AK8: variants seen among roughly 807,000 people sequenced by gnomAD.
AK8 encodes the protein adenylate kinase 8.
A neutral mutation model predicts 54.6 loss-of-function variants in AK8; 44 were observed. The observed-to-expected ratio is 0.81, with a 90% CI of 0.63 to 1.04. AK8 has a LOEUF of 1.04. AK8 is among the 50% of genes least tolerant of loss of function. AK8 has a pLI of 0.00. For missense variants in AK8, 555 were observed against 613.6 expected, an observed-to-expected ratio of 0.90 and a Z score of 1.01; for synonymous variants, 239 against 245.6, an observed-to-expected ratio of 0.97 and a Z score of 0.25.
intron 7 of AK8, chr9:132,827,412 A>G: frequency 3.5e-6 from 1 of 289,144 alleles, no homozygotes; most frequent in Non-Finnish European, 6.6e-6. Context: ...CAGATAAGAA[A>G]ACTGAGTCTC....
At chr9:132,859,042 A>T (rs1843284506) in intron 4 of AK8, among the ~76,000 whole-genome samples, 1 of 152,168 alleles carries the variant, frequency 6.6e-6, no homozygotes, top group African/African-American at 2.4e-5. Flanking sequence ...GACTCAGGAA[A>T]GGGAGGGAGA....
chr9:132,860,158 C>G lies in AK8; in HGVS notation c.333+3507G>C, dbSNP rs902845260. The stretch of plus-strand genomic sequence containing the variant: ...TCAGGGCATCAAACGTCTCTTCCAG[C>G]CCGGCCTGGACCCAGAAGCATCACA... On this transcript the variant is annotated intron_variant, in intron 4 of 12. Coordinates refer to ENST00000298545, the MANE Select transcript of AK8 (RefSeq NM_152572.3). The surrounding 1 kb of genome is among the most constrained non-coding windows in gnomAD (Gnocchi z 4.4). Among the ~76,000 whole-genome samples, 78 of 152,076 alleles carry G rather than the reference C, an allele frequency of 5.1e-4. No homozygotes were observed. Among genetic ancestry groups the G allele is most frequent in the African/African-American group, 1.6e-3 (68 of 41,396 alleles).
chr9:132,759,077 T>A (rs2131044933), intron 11 of AK8, among the ~76,000 whole-genome samples: 1 of 151,214 alleles, frequency 6.6e-6, no homozygotes, highest in African/African-American at 2.4e-5. Context: ...TGTGTTGTAG[T>A]CCCAGCTATT....
intron 11 of AK8, among the ~76,000 whole-genome samples, chr9:132,774,394 T>C (rs2131100893): frequency 6.6e-6 from 1 of 152,314 alleles, no homozygotes; most frequent in East Asian, 1.9e-4. Context: ...AAAGTTTTTT[T>C]ATATATTAAA....
chr9:132,790,494 C>T lies in AK8; in HGVS notation c.1121+2140G>A, dbSNP rs535392630. On this transcript the variant is annotated intron_variant, in intron 11 of 12. Transcript: ENST00000298545. The surrounding 1 kb of genome is among the most constrained non-coding windows in gnomAD (Gnocchi z 4.1). ...CTCGATCTCCTGACCTCATGATCCA[C>T]CCACCTCGGCCTCCCAAAGTGCTGG... 7.2e-5 allele frequency among the ~76,000 whole-genome samples: 11 copies of T among 152,302 alleles called. No homozygotes were observed. The highest frequency in any genetic ancestry group is 2.6e-4 in the African/African-American group (11 of 41,570).
At chr9:132,762,282 G>A (rs1027695124) in intron 11 of AK8, among the ~76,000 whole-genome samples, 1 of 152,108 alleles carries the variant, frequency 6.6e-6, no homozygotes. Flanking sequence ...ATTGGTTTCT[G>A]TTCTCTCTCC....
intron 1 of AK8, among the ~76,000 whole-genome samples, chr9:132,876,824 C>T (rs1266084110): frequency 3.3e-5 from 5 of 151,816 alleles, no homozygotes; most frequent in Admixed American, 1.3e-4. Context: ...GTTGGGAGGC[C>T]GAGGCAGAAG....
chr9:132,753,196 G>A (rs1838030145), intron 11 of AK8, among the ~76,000 whole-genome samples: 9 of 152,226 alleles, frequency 5.9e-5, no homozygotes, highest in Admixed American at 5.9e-4. Flanking sequence ...GGGAATCTGA[G>A]GATCAGAGAC....
At chr9:132,840,222 C>T (rs150740493) in intron 5 of AK8, among the ~76,000 whole-genome samples, 11 of 152,296 alleles carry the variant, frequency 7.2e-5, no homozygotes, top group African/African-American at 2.2e-4. Flanking sequence ...CCAAAGCAAG[C>T]ATCAAGAAAG....
chr9:132,877,514 C>G (rs1304204869), intron 1 of AK8, among the ~76,000 whole-genome samples: 1 of 152,238 alleles, frequency 6.6e-6, no homozygotes, highest in Non-Finnish European at 1.5e-5. Context: ...TCCTGAAAGC[C>G]TTGACCTCCA....
In AK8 at chr9:132,878,256, G is replaced by T; in HGVS notation, c.-1C>A. ...GGTGCGGGGCGATAGTGGCGTCCAT[G>T]TAGCCGTCTCGGCTCGCCGCTCCCT... On this transcript the variant is annotated 5_prime_UTR_variant, in exon 1 of 13. Coordinates refer to ENST00000298545, the MANE Select transcript of AK8 (RefSeq NM_152572.3). This position sits in a 1 kb window ranked among gnomAD's most constrained non-coding sequence, Gnocchi z 4.7. 7.3e-7 allele frequency: 1 copy of T among 1,371,066 alleles called. No individual in the cohort carries two copies. Among genetic ancestry groups the T allele is most frequent in the Admixed American group, 2.9e-5 (1 of 35,000 alleles). 84.9% of individuals were successfully genotyped at this position (1,371,066 alleles called of 1,614,324 possible).
intron 9 of AK8, among the ~76,000 whole-genome samples, chr9:132,816,614 T>G (rs1198794305): frequency 1.3e-5 from 2 of 152,166 alleles, no homozygotes; most frequent in East Asian, 3.9e-4. Context: ...GTTCTGGCCA[T>G]GAAGGAGTAA....
At chr9:132,797,320 G>A (rs117807448) in intron 10 of AK8, among the ~76,000 whole-genome samples, 3,019 of 152,018 alleles carry the variant, frequency 0.02, 55 homozygotes, top group Admixed American at 0.054. Context: ...AAGGGAGGGA[G>A]GGAAGGAAAA....
intron 11 of AK8, among the ~76,000 whole-genome samples, chr9:132,757,442 C>T (rs917546518): frequency 4.6e-5 from 7 of 152,222 alleles, no homozygotes; most frequent in African/African-American, 1.2e-4. Context: ...TAGAACAATC[C>T]GGGCTATGCC....
At chr9:132,768,185 G>A (rs1354771607) in intron 11 of AK8, among the ~76,000 whole-genome samples, 2 of 152,252 alleles carry the variant, frequency 1.3e-5, no homozygotes, top group East Asian at 3.8e-4. Context: ...CACGTTATAT[G>A]CATGTACCGA....
rs1839914132 is a variant in AK8, at chr9:132,790,774, G to T, written c.1121+1860C>A. 6.6e-6 allele frequency among the ~76,000 whole-genome samples: 1 copy of T among 152,226 alleles called. No individual in the cohort carries two copies. The highest frequency in any genetic ancestry group is 6.5e-5 in the Admixed American group (1 of 15,292). On this transcript the variant is annotated intron_variant, in intron 11 of 12. Coordinates refer to ENST00000298545, the MANE Select transcript of AK8 (RefSeq NM_152572.3). This position sits in a 1 kb window ranked among gnomAD's most constrained non-coding sequence, Gnocchi z 4.1. ...TTGTAGATGACATGGTCATCTACCT[G>T]TAAAACCCAAGAGAATCAACTGAAA...
chr9:132,839,463 T>C (rs1842447908), intron 5 of AK8, among the ~76,000 whole-genome samples: 2 of 152,194 alleles, frequency 1.3e-5, no homozygotes, highest in Admixed American at 1.3e-4. Context: ...CTCTGTTTCC[T>C]TCCTATGCTT....
intron 10 of AK8, among the ~76,000 whole-genome samples, chr9:132,807,394 G>T (rs946758913): frequency 6.6e-6 from 1 of 152,210 alleles, no homozygotes. Context: ...AGTGCGCTGT[G>T]GACAGGCTGA....
chr9:132,826,982 A>C lies in AK8; in HGVS notation c.629T>G (p.Ile210Ser), dbSNP rs759743710. Reference protein sequence around the residue: ...IQNRLMVPEDISELETAQKLL... With the variant: ...IQNRLMVPEDSSELETAQKLL... ...TTTCTGAGCCGTCTCCAGCTCTGAG[A>C]TGTCCTCTGGCACCATGAGACGGTT... Residue 210 changes from isoleucine (I) to serine (S), a missense_variant, in exon 8 of 13, where the codon ATC becomes AGC. Ile to Ser is a moderately radical substitution (Grantham distance 142). Coordinates refer to ENST00000298545, the MANE Select transcript of AK8 (RefSeq NM_152572.3). This position sits in a 1 kb window ranked among gnomAD's most constrained non-coding sequence, Gnocchi z 4.5. 1 of 1,614,228 alleles carries C rather than the reference A, an allele frequency of 6.2e-7. No individual in the cohort carries two copies. Among genetic ancestry groups the C allele is most frequent in the Non-Finnish European group, 8.5e-7 (1 of 1,180,030 alleles).
Sources: gnomAD v4.1 joint callset for allele counts (sites outside exome capture counted in the v4.1 genomes callset) on GRCh38, gnomAD v4.1.1 for gene constraint, Gnocchi (gnomAD v3.1) non-coding constraint, MANE v1.5 for transcripts, NCBI Gene and HGNC (gene_info 2026-07-23, HGNC 2026-07-21) for gene names.